SLC8A1: variants seen among roughly 807,000 people sequenced by gnomAD.
SLC8A1 encodes solute carrier family 8 member A1, also known as sodium/calcium exchanger 1.
Under a neutral mutation model 68.3 loss-of-function variants are expected in SLC8A1, and 18 were observed. The observed-to-expected ratio is 0.26, with a 90% CI of 0.18 to 0.39. The LOEUF is 0.39. Ranked by LOEUF, SLC8A1 falls within the 10% of genes least tolerant of loss-of-function variation. The pLI is 1.00. For missense variants in SLC8A1, 985 were observed against 1,156.7 expected (o/e 0.85, Z 2.15); for synonymous variants, 475 against 415.5 (o/e 1.14, Z -1.74).
upstream of SLC8A1, among the ~76,000 whole-genome samples, chr2:40,454,912 G>A (rs952028993): frequency 2.6e-5 from 4 of 152,114 alleles, no homozygotes; most frequent in Non-Finnish European, 5.9e-5. Flanking sequence ...CTGTGGCTTT[G>A]GAAAGAAGAC....
At chr2:40,301,153 A>G (rs2071386462) in intron 2 of SLC8A1, among the ~76,000 whole-genome samples, 2 of 152,206 alleles carry the variant, frequency 1.3e-5, no homozygotes, top group Non-Finnish European at 2.9e-5. Context: ...AATGATAAAA[A>G]TAGTGATAAT....
chr2:40,339,367 A>G (rs1413070980), intron 2 of SLC8A1, among the ~76,000 whole-genome samples: 1 of 152,200 alleles, frequency 6.6e-6, no homozygotes, highest in Non-Finnish European at 1.5e-5. Flanking sequence ...ATCAGAAGGC[A>G]GCAGCACTGT....
chr2:40,186,716 G>C (rs1311371196), intron 2 of SLC8A1, among the ~76,000 whole-genome samples: 1 of 152,086 alleles, frequency 6.6e-6, no homozygotes, highest in East Asian at 1.9e-4. Flanking sequence ...TTTGTAACTT[G>C]GCTCTGCTAC....
chr2:40,385,098 C>G (rs746200700), intron 2 of SLC8A1, among the ~76,000 whole-genome samples: 15 of 152,008 alleles, frequency 9.9e-5, no homozygotes, highest in Non-Finnish European at 2.2e-4. Flanking sequence ...AAATTCAACT[C>G]TTATAGTACT....
chr2:40,410,683 T>C (rs1298782740), intron 2 of SLC8A1, among the ~76,000 whole-genome samples: 1 of 152,154 alleles, frequency 6.6e-6, no homozygotes, highest in Non-Finnish European at 1.5e-5. Flanking sequence ...ACTTCACAGT[T>C]ATCATTTTTT....
chr2:40,175,126 G>T, intron 3 of SLC8A1, 135 bp downstream of exon 4: 2 of 869,698 alleles, frequency 2.3e-6, no homozygotes, highest in South Asian at 1.6e-5. Flanking sequence ...TTGACAAAAT[G>T]AGGTCAATGG....
At chr2:40,289,862 AAAATTAAATT>A (rs201875232) in intron 2 of SLC8A1, among the ~76,000 whole-genome samples, 103 of 151,836 alleles carry the variant, frequency 6.8e-4, no homozygotes, top group Middle Eastern at 3.4e-3. Context: ...CTCAGTCTCA[AAAATTAAATT>A]AAATTAAATT....
At chr2:40,145,043 T>G (rs1357559575) in intron 6 of SLC8A1, among the ~76,000 whole-genome samples, 1 of 152,202 alleles carries the variant, frequency 6.6e-6, no homozygotes, top group East Asian at 1.9e-4. Flanking sequence ...TGCTATTTTG[T>G]ATCCTTTGAC....
intron 2 of SLC8A1, among the ~76,000 whole-genome samples, chr2:40,182,149 T>C (rs1392641670): frequency 1.3e-5 from 2 of 152,224 alleles, no homozygotes; most frequent in Non-Finnish European, 2.9e-5. Context: ...GAAACATAGC[T>C]GTTGCTACTT....
At chr2:40,124,263 G>T (rs1157774168) in intron 7 of SLC8A1, among the ~76,000 whole-genome samples, 2 of 152,202 alleles carry the variant, frequency 1.3e-5, no homozygotes, top group Non-Finnish European at 2.9e-5. Context: ...GATTCTAAGT[G>T]TATGGATCTA....
Position 40,430,346 on chromosome 2 carries a change from T to C in SLC8A1, c.-24-42A>G, listed in dbSNP as rs1014498734. 21 of 1,520,682 alleles carry C rather than the reference T, an allele frequency of 1.4e-5. No homozygotes were observed. In the Admixed American group the frequency reaches 3.6e-4, roughly 26 times the overall value. 94.2% of individuals were successfully genotyped at this position (1,520,682 alleles called of 1,614,324 possible). On this transcript the variant is annotated intron_variant, in intron 1 of 7. Transcript: ENST00000406785. Reference sequence around the variant, plus strand: ...GGGGGAGAGGGCAGAAAAAAAGTCATGTCATTAGAGCTGCAGCCAAAGCAT... The same window carrying C: ...GGGGGAGAGGGCAGAAAAAAAGTCACGTCATTAGAGCTGCAGCCAAAGCAT...
intron 1 of SLC8A1, among the ~76,000 whole-genome samples, chr2:40,435,776 T>C (rs1218339025): frequency 6.6e-6 from 1 of 151,946 alleles, no homozygotes; most frequent in Non-Finnish European, 1.5e-5. Context: ...ACTTATTACT[T>C]TTTTGTTTTT....
At chr2:40,323,126 C>T (rs1403524063) in intron 2 of SLC8A1, among the ~76,000 whole-genome samples, 2 of 152,140 alleles carry the variant, frequency 1.3e-5, no homozygotes, top group Non-Finnish European at 2.9e-5. Context: ...AGCAACATCA[C>T]ATAGGCAACT....
intron 1 of SLC8A1, among the ~76,000 whole-genome samples, chr2:40,443,198 C>A (rs999781080): frequency 6.6e-6 from 1 of 152,096 alleles, no homozygotes; most frequent in East Asian, 1.9e-4. Context: ...GTGCAGCATA[C>A]CACCATGGCA....
intron 1 of SLC8A1, among the ~76,000 whole-genome samples, chr2:40,464,303 TGG>T (rs1207653017): frequency 6.6e-6 from 1 of 152,210 alleles, no homozygotes; most frequent in Non-Finnish European, 1.5e-5. Context: ...AAAACAGCAC[TGG>T]CTGAATTCTA....
intron 2 of SLC8A1, among the ~76,000 whole-genome samples, chr2:40,378,380 T>C (rs368799675): frequency 2.0e-5 from 3 of 152,178 alleles, no homozygotes; most frequent in East Asian, 3.9e-4. Context: ...GCAAAGGTTA[T>C]GTGTGAGTAG....
At chr2:40,442,028 T>C (rs1487253840) in intron 1 of SLC8A1, among the ~76,000 whole-genome samples, 2 of 115,920 alleles carry the variant, frequency 1.7e-5, no homozygotes, top group African/African-American at 6.9e-5. Context: ...TTTGCTATTG[T>C]GAATAGTGCC....
intron 2 of SLC8A1, among the ~76,000 whole-genome samples, chr2:40,363,145 A>G: frequency 6.6e-6 from 1 of 152,102 alleles, no homozygotes; most frequent in Middle Eastern, 3.2e-3. Flanking sequence ...TTTACTACTG[A>G]AGGTTGGTAT....
At chr2:40,350,279 C>G (rs1438083249) in intron 2 of SLC8A1, among the ~76,000 whole-genome samples, 1 of 151,966 alleles carries the variant, frequency 6.6e-6, no homozygotes, top group African/African-American at 2.4e-5. Context: ...CCCAGGAGTT[C>G]AAGACCAACC....
Sources: gnomAD v4.1 joint callset for allele counts (sites outside exome capture counted in the v4.1 genomes callset) on GRCh38, gnomAD v4.1.1 for gene constraint, MANE v1.5 for transcripts, NCBI Gene and HGNC (gene_info 2026-07-23, HGNC 2026-07-21) for gene names.